Variants in C16orf95 observed in about 807,000 individuals in gnomAD.
C16orf95 encodes the protein uncharacterized protein C16orf95.
C16orf95 carries 41 observed loss-of-function variants against 32.1 expected under a neutral mutation model. The observed-to-expected ratio is 1.28, with a 90% CI of 1.00 to 1.66. The LOEUF is 1.66. Among genes scored for constraint, C16orf95 ranks in the 40% most tolerant of loss-of-function variants. C16orf95 has a pLI of 0.00. For missense variants in C16orf95, 399 were observed against 325.9 expected, an observed-to-expected ratio of 1.22 and a Z score of -1.73; for synonymous variants, 147 against 128.9, an observed-to-expected ratio of 1.14 and a Z score of -0.95.
At chr16:87,315,984 T>C (rs1192972801) in intron 1 of C16orf95, among the ~76,000 whole-genome samples, 161 bp from the exon 2 acceptor site, 1 of 151,852 alleles carries the variant, frequency 6.6e-6, no homozygotes, top group Admixed American at 6.6e-5. Context: ...AGTGAGAGGG[T>C]GACATCAGAA....
At chr16:87,312,904 A>G (rs1457568707) in intron 3 of C16orf95, among the ~76,000 whole-genome samples, 1 of 152,218 alleles carries the variant, frequency 6.6e-6, no homozygotes, top group Non-Finnish European at 1.5e-5. Flanking sequence ...AAAAGTCATA[A>G]ATTGAAATTC....
At chr16:87,306,418 A>G (rs1280864990) in intron 5 of C16orf95, among the ~76,000 whole-genome samples, 1 of 152,216 alleles carries the variant, frequency 6.6e-6, no homozygotes, top group Non-Finnish European at 1.5e-5. Context: ...GGGTCTGGTC[A>G]GCATGTGATC....
chr16:87,312,940 AATAC>A (rs1294244764), intron 3 of C16orf95, among the ~76,000 whole-genome samples: 1 of 152,238 alleles, frequency 6.6e-6, no homozygotes, highest in Admixed American at 6.5e-5. Flanking sequence ...AAAATTATGA[AATAC>A]TTATGGGTAA....
In C16orf95 at chr16:87,317,196, T is replaced by G; in HGVS notation, c.47A>C (p.His16Pro). Residue 16 changes from histidine to proline, a missense_variant, in exon 1 of 7, where the codon CAT (histidine) becomes CCT (proline). His to Pro is a moderately conservative substitution (Grantham distance 77). Transcript: ENST00000567970. ...TGAGGCTGCTCCAGTGGCCTCATGA[T>G]GATGGTGACAACGCCGCGGGGACGG... ...SPPSPRRCHH[H>P]HEATGAASGA... 2 of 1,531,120 alleles carry G rather than the reference T, an allele frequency of 1.3e-6. No individual in the cohort carries two copies. Among genetic ancestry groups the G allele is most frequent in the Non-Finnish European group, 1.7e-6 (2 of 1,144,828 alleles). 94.8% of individuals were successfully genotyped at this position (1,531,120 alleles called of 1,614,324 possible).
At chr16:87,306,148 G>C (rs1327508762) in intron 5 of C16orf95, 2 of 374,382 alleles carry the variant, frequency 5.3e-6, no homozygotes, top group Non-Finnish European at 9.5e-6. Context: ...TTTTAGAACA[G>C]CATATGGAAC....
In C16orf95 at chr16:87,311,267, G is replaced by C. The variant is rs1338264078; in HGVS notation, c.360C>G (p.Pro120=). 6 of 1,535,292 alleles carry C rather than the reference G, an allele frequency of 3.9e-6. No individual in the cohort carries two copies. The highest frequency in any genetic ancestry group is 5.2e-6 in the Non-Finnish European group (6 of 1,146,288). ...QSQKTVQFPI[P]QTAKMCPCLC... ...GGCAGGGGCACATCTTGGCGGTTTGGGGGATAGGAAATTGAACCGTCTTTT... is the reference window on the plus strand; with the variant it reads ...GGCAGGGGCACATCTTGGCGGTTTGCGGGATAGGAAATTGAACCGTCTTTT... Residue 120 remains proline (P), a synonymous_variant, in exon 4 of 7, where the codon CCC becomes CCG. Transcript: ENST00000567970.
At chr16:87,309,363 CTTTCT>C (rs1460393403) in intron 5 of C16orf95, among the ~76,000 whole-genome samples, 1 of 94,758 alleles carries the variant, frequency 1.1e-5, no homozygotes, top group East Asian at 2.9e-4. Context: ...TTTTCTTTTT[CTTTCT>C]TTTCTTTTTT....
chr16:87,311,268 G>A lies in C16orf95; in HGVS notation c.359C>T (p.Pro120Leu). The A allele has an allele frequency of 6.5e-7, 1 of 1,535,242 alleles. No individual in the cohort carries two copies. The highest frequency in any genetic ancestry group is 8.7e-7 in the Non-Finnish European group (1 of 1,146,274). Residue 120 changes from proline (P) to leucine (L), a missense_variant, in exon 4 of 7, where the codon CCC becomes CTC. By Grantham distance (98) the Pro-to-Leu change is moderately conservative (BLOSUM62 -3). Transcript: ENST00000567970. ...QSQKTVQFPI[P>L]QTAKMCPCLC... ...GCAGGGGCACATCTTGGCGGTTTGG[G>A]GGATAGGAAATTGAACCGTCTTTTG...
chr16:87,307,067 G>A (rs945125690), intron 5 of C16orf95, among the ~76,000 whole-genome samples: 3 of 152,130 alleles, frequency 2.0e-5, no homozygotes, highest in Non-Finnish European at 4.4e-5. Context: ...CTGCCTCTGG[G>A]GGTTCCACTC....
intron 2 of C16orf95, 108 bp from the exon 3 acceptor site, chr16:87,315,204 G>T (rs1192694030): frequency 2.5e-6 from 3 of 1,199,182 alleles, no homozygotes; most frequent in Middle Eastern, 5.5e-4. Context: ...GTGTCCGGGG[G>T]CAGGGTCCCC....
rs532678950 is a variant in C16orf95 at position 87,306,031 on chromosome 16, C to A, written c.515-126G>T. ...GGACTTCCAGGACCCAGCCACAGCCCCGGGGTGGGGACACTGACCCGGAGC... is the reference window on the plus strand; with the variant it reads ...GGACTTCCAGGACCCAGCCACAGCCACGGGGTGGGGACACTGACCCGGAGC... On this transcript the variant is annotated intron_variant, in intron 5 of 6. Transcript: ENST00000567970. 5.9e-6 allele frequency: 4 copies of A among 683,302 alleles called. No homozygotes were observed. The African/African-American group carries it at 7.6e-5, about 13-fold the overall frequency. The allele number at this position is 683,302 out of a possible 1,614,324, so 42.3% of individuals were successfully genotyped here.
chr16:87,303,254 G>T, intron 6 of C16orf95, 179 bp from the exon 7 acceptor site: 1 of 609,934 alleles, frequency 1.6e-6, no homozygotes, highest in Non-Finnish European at 2.9e-6. Flanking sequence ...TGCAGTCCTG[G>T]CCATATCGCT....
intron 3 of C16orf95, among the ~76,000 whole-genome samples, chr16:87,312,657 C>A (rs1911337908): frequency 6.6e-6 from 1 of 151,616 alleles, no homozygotes; most frequent in Non-Finnish European, 1.5e-5. Flanking sequence ...TCTCCTCTCA[C>A]TGCTCTCTTC....
At chr16:87,307,585 C>A (rs28687849) in intron 5 of C16orf95, among the ~76,000 whole-genome samples, 8,424 of 152,056 alleles carry the variant, frequency 0.055, 672 homozygotes, top group African/African-American at 0.18. Flanking sequence ...ATGGTAAAAC[C>A]CATCTCTAAT....
intron 4 of C16orf95, 93 bp downstream of exon 4, chr16:87,311,057 G>C: frequency 8.1e-7 from 1 of 1,231,680 alleles, no homozygotes; most frequent in Non-Finnish European, 1.1e-6. Context: ...GCAGAGCCCA[G>C]GTACCCCTCT....
In C16orf95 at chr16:87,310,335, TAA is replaced by T. The variant is rs1263122179; in HGVS notation, c.478-4_478-3del. ...CAAACTCTGCTGCCTCCTGACTATC[TAA>T]AAGACAAGAATGGAGGCAAGCAGTC... On this transcript the variant is annotated splice_polypyrimidine_tract_variant and splice_region_variant and intron_variant, in intron 4 of 6. Transcript: ENST00000567970. 3 of 1,535,782 alleles carry T rather than the reference TAA, an allele frequency of 2.0e-6. No individual in the cohort carries two copies. In the African/African-American group the frequency reaches 4.1e-5, roughly 21 times the overall value.
At chr16:87,316,644 TG>T (rs777823946) in intron 1 of C16orf95, among the ~76,000 whole-genome samples, 2 of 147,320 alleles carry the variant, frequency 1.4e-5, no homozygotes, top group Admixed American at 6.8e-5. Context: ...ATATTCCTGG[TG>T]GGGAGGGGGG....
intron 2 of C16orf95, among the ~76,000 whole-genome samples, chr16:87,315,488 T>C (rs930650508): frequency 6.6e-6 from 1 of 152,188 alleles, no homozygotes; most frequent in Non-Finnish European, 1.5e-5. Flanking sequence ...CATGTGACCT[T>C]CGCAACACCC....
At chr16:87,316,641 T>A (rs754055421) in intron 1 of C16orf95, among the ~76,000 whole-genome samples, 1 of 150,554 alleles carries the variant, frequency 6.6e-6, no homozygotes, top group African/African-American at 2.4e-5. Flanking sequence ...GCTATATTCC[T>A]GGTGGGGAGG....
Sources: allele counts gnomAD v4.1 joint callset (sites outside exome capture counted in the v4.1 genomes callset), GRCh38; gene constraint gnomAD v4.1.1; transcripts MANE v1.5; gene names NCBI Gene and HGNC (gene_info 2026-07-23, HGNC 2026-07-21).